Variants in LUZP1 observed in about 807,000 individuals in gnomAD.
LUZP1 encodes filamin mechanobinding actin cross-linking protein.
Under a neutral mutation model 71.3 loss-of-function variants are expected in LUZP1, and 25 were observed. The ratio of observed to expected loss-of-function variants is 0.35; its 90% CI spans 0.26 to 0.49. LUZP1 has a LOEUF of 0.49. Ranked by LOEUF, LUZP1 falls within the 20% of genes least tolerant of loss-of-function variation. LUZP1 has a pLI of 0.99. For missense variants in LUZP1, 1,142 were observed against 1,300.8 expected, an observed-to-expected ratio of 0.88 and a Z score of 1.88; for synonymous variants, 481 against 506.4, an observed-to-expected ratio of 0.95 and a Z score of 0.67.
rs975619467 is a variant in LUZP1, at chr1:23,157,927, G to A, written c.-226+10839C>T. Among the ~76,000 whole-genome samples, 19 of 151,386 alleles carry A rather than the reference G, an allele frequency of 1.3e-4. 1 individual carries two copies. The highest frequency in any genetic ancestry group is 2.1e-4 in the South Asian group (1 of 4,790). ...CTCAGGAGGCTGAGGCAGGAGGATC[G>A]CTTGAGCCCAGGAGTTCAAAGTTGT... On this transcript the variant is annotated intron_variant, in intron 2 of 4. Coordinates refer to ENST00000302291, the Ensembl canonical transcript of LUZP1.
chr1:23,144,776 A>G (rs753709397), intron 2 of LUZP1, among the ~76,000 whole-genome samples: 1 of 152,226 alleles, frequency 6.6e-6, no homozygotes, highest in Non-Finnish European at 1.5e-5. Flanking sequence ...TCCTGCTTAT[A>G]TAAGAGAGGT....
chr1:23,173,685 T>G (rs1369734387), intron 1 of LUZP1, among the ~76,000 whole-genome samples: 1 of 152,088 alleles, frequency 6.6e-6, no homozygotes, highest in African/African-American at 2.4e-5. Flanking sequence ...GTGCATATAG[T>G]GAGAACTTCC....
chr1:23,083,855 A>G (rs941789116), downstream of LUZP1, among the ~76,000 whole-genome samples: 1 of 152,114 alleles, frequency 6.6e-6, no homozygotes. Context: ...ATCAGGTCAG[A>G]AGATAAGGTA....
At chr1:23,173,572 G>T (rs1644565890) in intron 1 of LUZP1, among the ~76,000 whole-genome samples, 1 of 151,722 alleles carries the variant, frequency 6.6e-6, no homozygotes, top group South Asian at 2.1e-4. Context: ...GCCCAGGCTG[G>T]TCTCCATCTT....
At chr1:23,140,312 T>A (rs1032871375) in intron 2 of LUZP1, 1 of 152,068 alleles carries the variant, frequency 6.6e-6, no homozygotes, top group African/African-American at 2.4e-5. Flanking sequence ...ATATTACACA[T>A]ATGTAATACA....
At chr1:23,091,544 G>T (rs1401924920) in exon 4 of LUZP1, 1 of 1,614,124 alleles carries the variant, frequency 6.2e-7, no homozygotes, top group Non-Finnish European at 8.5e-7. Context: ...CTTCTGAAGG[G>T]GCACTATGGC....
chr1:23,105,062 C>G (rs1261906937), intron 3 of LUZP1, among the ~76,000 whole-genome samples: 1 of 152,154 alleles, frequency 6.6e-6, no homozygotes. Context: ...AATTTGCAAC[C>G]TGTATTGGAC....
intron 2 of LUZP1, among the ~76,000 whole-genome samples, chr1:23,150,983 A>C (rs1188529553): frequency 6.6e-6 from 1 of 152,192 alleles, no homozygotes; most frequent in Non-Finnish European, 1.5e-5. Flanking sequence ...TCCCCAAAAG[A>C]TAAATGAATG....
intron 2 of LUZP1, among the ~76,000 whole-genome samples, chr1:23,139,013 AAAAAAAATATATATATAT>A (rs1644279722): frequency 3.1e-5 from 3 of 96,780 alleles, no homozygotes; most frequent in African/African-American, 1.5e-4. Context: ...AAAAAAAAAA[AAAAAAAATATATATATAT>A]ATATATATAT....
At chr1:23,088,616 G>A (rs1643803543) in exon 5 of LUZP1, 1 of 327,934 alleles carries the variant, frequency 3.0e-6, no homozygotes, top group African/African-American at 2.1e-5. Context: ...CCCTTGTTTG[G>A]GGGCCAGAAT....
intron 2 of LUZP1, among the ~76,000 whole-genome samples, chr1:23,157,582 G>C (rs533620631): frequency 5.3e-5 from 8 of 152,108 alleles, no homozygotes; most frequent in Non-Finnish European, 1.0e-4. Flanking sequence ...CCTGAGGTCA[G>C]GAGTTCAAGA....
At chr1:23,162,042 A>G (rs994901506) in intron 2 of LUZP1, among the ~76,000 whole-genome samples, 7 of 151,642 alleles carry the variant, frequency 4.6e-5, no homozygotes, top group Non-Finnish European at 1.0e-4. Flanking sequence ...AAAAAAAAAA[A>G]AAAAAAAGCT....
intron 2 of LUZP1, among the ~76,000 whole-genome samples, chr1:23,135,734 G>A (rs1032029419): frequency 6.6e-6 from 1 of 152,162 alleles, no homozygotes; most frequent in African/African-American, 2.4e-5. Flanking sequence ...TTTAAAGGAA[G>A]AGAATATTAT....
intron 2 of LUZP1, among the ~76,000 whole-genome samples, chr1:23,165,860 T>C (rs1644505477): frequency 1.3e-5 from 2 of 152,064 alleles, no homozygotes; most frequent in East Asian, 1.9e-4. Flanking sequence ...ACCTTAATGA[T>C]GGCCGCTTTA....
At chr1:23,102,903 ATTTCATTTCATTTCATT>A (rs1643942534) in intron 3 of LUZP1, among the ~76,000 whole-genome samples, 1 of 152,038 alleles carries the variant, frequency 6.6e-6, no homozygotes, top group African/African-American at 2.4e-5. Flanking sequence ...TTTATTTTAT[ATTTCATTTCATTTCATT>A]TTTCATTTCA....
chr1:23,142,677 G>A (rs1644312343), intron 2 of LUZP1, among the ~76,000 whole-genome samples: 2 of 144,298 alleles, frequency 1.4e-5, no homozygotes, highest in South Asian at 4.5e-4. Flanking sequence ...ATAAATGGTG[G>A]GTGCATAAAA....
At chr1:23,092,833 A>G in exon 4 of LUZP1, 1 of 1,613,818 alleles carries the variant, frequency 6.2e-7, no homozygotes, top group South Asian at 1.1e-5. Flanking sequence ...GCCGGGGGGT[A>G]GCGACTCAGC....
chr1:23,114,523 G>C (rs1054696968), intron 2 of LUZP1, among the ~76,000 whole-genome samples: 1 of 152,170 alleles, frequency 6.6e-6, no homozygotes, highest in Non-Finnish European at 1.5e-5. Flanking sequence ...TGCCATCACT[G>C]ACTGAGTCGC....
chr1:23,128,463 T>C (rs1644189887), intron 2 of LUZP1, among the ~76,000 whole-genome samples: 1 of 152,230 alleles, frequency 6.6e-6, no homozygotes, highest in African/African-American at 2.4e-5. Flanking sequence ...TAAAAACACT[T>C]CATAAATGTA....
Sources: allele counts gnomAD v4.1 joint callset (sites outside exome capture counted in the v4.1 genomes callset), GRCh38; gene constraint gnomAD v4.1.1; transcripts MANE v1.5; gene names NCBI Gene and HGNC (gene_info 2026-07-23, HGNC 2026-07-21).